Variants in CIAPIN1 observed in about 807,000 individuals in gnomAD.
CIAPIN1 encodes cytokine induced apoptosis inhibitor 1.
Under a neutral mutation model 34.3 loss-of-function variants are expected in CIAPIN1, and 18 were observed. The ratio of observed to expected loss-of-function variants is 0.52; its 90% CI spans 0.36 to 0.78. The LOEUF (loss-of-function observed/expected upper bound fraction) is 0.78. Ranked by LOEUF, CIAPIN1 falls within the 30% of genes least tolerant of loss-of-function variation. The pLI, the probability that CIAPIN1 is intolerant of heterozygous loss-of-function variation, is 0.00. For missense variants in CIAPIN1, 310 were observed against 372.5 expected (o/e 0.83, Z 1.38); for synonymous variants, 131 against 140.4 (o/e 0.93, Z 0.47).
chr16:57,436,814 C>A, intron 3 of CIAPIN1, 82 bp from the exon 4 acceptor site: 1 of 1,134,124 alleles, frequency 8.8e-7, no homozygotes, highest in Non-Finnish European at 1.3e-6. Context: ...TATGGGTTCG[C>A]AGGCATTCAA....
In CIAPIN1 at chr16:57,439,259, T is replaced by G. The variant is rs201547375; in HGVS notation, c.233A>C (p.Glu78Ala). 2.1e-5 allele frequency: 34 copies of G among 1,614,040 alleles called. No homozygotes were observed. Among genetic ancestry groups the G allele is most frequent in the Non-Finnish European group, 1.8e-5 (21 of 1,180,050 alleles). The change falls in exon 3 of 9, where the codon GAG becomes GCG. Residue 78 changes from glutamate to alanine, a missense_variant. Glu to Ala is a moderately radical substitution (Grantham distance 107). Transcript: ENST00000394391. Reference protein sequence around the residue: ...VPGSTTLHSAEILAEIARILR... With the variant: ...VPGSTTLHSAAILAEIARILR... ...GATCCGGGCGATTTCAGCCAAAATC[T>G]CAGCACTGTGCAGAGTGGTGCTTCC...
chr16:57,444,935 T>C (rs1468924745), intron 1 of CIAPIN1, among the ~76,000 whole-genome samples: 2 of 152,192 alleles, frequency 1.3e-5, no homozygotes, highest in African/African-American at 2.4e-5. Flanking sequence ...ACTGAGCTTG[T>C]TGGGTACCTC....
At chr16:57,443,707 TC>T (rs1369948525) in intron 1 of CIAPIN1, among the ~76,000 whole-genome samples, 1 of 152,198 alleles carries the variant, frequency 6.6e-6, no homozygotes, top group African/African-American at 2.4e-5. Flanking sequence ...CACCTCGGCC[TC>T]CCAAAGTGCT....
chr16:57,433,563 G>A (rs1467721203), intron 5 of CIAPIN1: 12 of 200,102 alleles, frequency 6.0e-5, no homozygotes, highest in Admixed American at 2.7e-4. Flanking sequence ...GCGTGCACGC[G>A]TGTGCTTGTA....
At chr16:57,436,870 G>C in intron 3 of CIAPIN1, 138 bp from the exon 4 acceptor site, 1 of 516,212 alleles carries the variant, frequency 1.9e-6, no homozygotes, top group East Asian at 3.9e-5. Context: ...TGTAATCCCA[G>C]CACTTTGGGA....
rs376169939 is a variant in CIAPIN1, at chr16:57,429,366, G to A, written c.829-86C>T. ...AAGAAATGCCTAATTTCATAATGTGGCCACAGTGGCCTGAAGGAAATGGCT... is the reference window on the plus strand; with the variant it reads ...AAGAAATGCCTAATTTCATAATGTGACCACAGTGGCCTGAAGGAAATGGCT... On this transcript the variant is annotated intron_variant, in intron 8 of 8. Transcript: ENST00000394391. 1.7e-4 allele frequency: 147 copies of A among 854,520 alleles called. 2 individuals carry two copies. The East Asian group carries it at 2.1e-3, about 12-fold the overall frequency. 52.9% of individuals were successfully genotyped at this position (854,520 alleles called of 1,614,324 possible). A position where few individuals can be genotyped will look rare whatever the true frequency, so the allele number is the denominator to read the frequency against.
At chr16:57,445,361 G>C (rs1325122090) in intron 1 of CIAPIN1, among the ~76,000 whole-genome samples, 1 of 152,036 alleles carries the variant, frequency 6.6e-6, no homozygotes, top group Non-Finnish European at 1.5e-5. Flanking sequence ...ACAAAGATTA[G>C]CTGGGCATGG....
At chr16:57,446,363 G>A (rs1229862927) in intron 1 of CIAPIN1, among the ~76,000 whole-genome samples, 1 of 152,178 alleles carries the variant, frequency 6.6e-6, no homozygotes, top group Non-Finnish European at 1.5e-5. Flanking sequence ...TTTGGGGTAA[G>A]TTTTGGCTTA....
chr16:57,445,487 G>A (rs1183442882), intron 1 of CIAPIN1, among the ~76,000 whole-genome samples: 5 of 152,092 alleles, frequency 3.3e-5, no homozygotes, highest in Admixed American at 3.3e-4. Flanking sequence ...CAGCCAGGGA[G>A]ACAGAGTGAG....
chr16:57,432,913 G>A (rs1305431394), intron 5 of CIAPIN1, among the ~76,000 whole-genome samples: 1 of 152,192 alleles, frequency 6.6e-6, no homozygotes, highest in Non-Finnish European at 1.5e-5. Context: ...GGTTCCACAG[G>A]CTGCAAAGCC....
chr16:57,439,421 C>T, intron 2 of CIAPIN1, 87 bp from the exon 3 acceptor site: 1 of 1,414,722 alleles, frequency 7.1e-7, no homozygotes, highest in Non-Finnish European at 9.9e-7. Context: ...AGCTACAGAC[C>T]TCACCCTGAG....
At chr16:57,436,559 A>G in intron 4 of CIAPIN1, 97 bp downstream of exon 4, 1 of 913,820 alleles carries the variant, frequency 1.1e-6, no homozygotes, top group Non-Finnish European at 1.7e-6. Flanking sequence ...TTGAAGCATC[A>G]TGTATCTTAC....
chr16:57,437,119 T>C (rs973400268), intron 3 of CIAPIN1, among the ~76,000 whole-genome samples: 22 of 152,258 alleles, frequency 1.4e-4, no homozygotes, highest in Admixed American at 1.4e-3. Flanking sequence ...AGAGTGAGAC[T>C]TGATCTCAAA....
chr16:57,432,508 G>T lies in CIAPIN1; in HGVS notation c.609C>A (p.Asn203Lys). ...AAAKLWTLSA[N>K]DMEDDSMDLI... ...TCACCATGCTGTCGTCCTCCATATC[G>T]TTGGCTGAGAGGGTCCACAGCTTGG... Residue 203 changes from asparagine to lysine, a missense_variant, in exon 6 of 9, where the codon AAC (asparagine) becomes AAA (lysine). Transcript: ENST00000394391. The T allele has an allele frequency of 6.2e-7, 1 of 1,613,520 alleles. No individual in the cohort carries two copies. The highest frequency in any genetic ancestry group is 8.5e-7 in the Non-Finnish European group (1 of 1,179,862).
intron 5 of CIAPIN1, among the ~76,000 whole-genome samples, chr16:57,433,083 C>A (rs1382027264): frequency 6.6e-6 from 1 of 152,206 alleles, no homozygotes; most frequent in Non-Finnish European, 1.5e-5. Context: ...AGAGCTTTAG[C>A]CTCATGTAAA....
rs780926941 is a variant in CIAPIN1 at position 57,429,791 on chromosome 16, CTT to C, written c.828+465_828+466del. ...ACAGGCGTGAGCCACCGCACCCGGC[CTT>C]TTTTTTTTTTTGAGATGGAGTCTCC... On this transcript the variant is annotated intron_variant, in intron 8 of 8. Coordinates refer to ENST00000394391, the MANE Select transcript of CIAPIN1 (RefSeq NM_020313.4). 9.5e-4 allele frequency among the ~76,000 whole-genome samples: 106 copies of C among 111,114 alleles called. 1 individual carries two copies. Among genetic ancestry groups the C allele is most frequent in the Non-Finnish European group, 2.6e-4 (14 of 53,640 alleles). The allele number at this position is 111,114 out of a possible 152,430, so 72.9% of individuals were successfully genotyped here. A position where few individuals can be genotyped will look rare whatever the true frequency, so the allele number is the denominator to read the frequency against.
intron 1 of CIAPIN1, 57 bp downstream of exon 1, chr16:57,447,285 G>A (rs2030122861): frequency 2.5e-6 from 1 of 398,208 alleles, no homozygotes; most frequent in Non-Finnish European, 4.4e-6. Context: ...ACGAGGGTGG[G>A]CCGGGAGGGG....
At chr16:57,440,238 T>C (rs1336728618) in intron 2 of CIAPIN1, among the ~76,000 whole-genome samples, 5 of 152,214 alleles carry the variant, frequency 3.3e-5, no homozygotes, top group African/African-American at 4.8e-5. Context: ...TCAGACCAGC[T>C]GTCTGCTTTC....
chr16:57,440,995 C>T lies in CIAPIN1; in HGVS notation c.-55-12G>A. 5.3e-6 allele frequency: 8 copies of T among 1,517,302 alleles called. No individual in the cohort carries two copies. Among genetic ancestry groups the T allele is most frequent in the South Asian group, 3.6e-5 (3 of 83,148 alleles). The allele number at this position is 1,517,302 out of a possible 1,614,324, so 94.0% of individuals were successfully genotyped here. ...AAAGGGAATCAAGACTGGGCAGAGA[C>T]AAAGTGCAATTTAATCTGTGAGATA... On this transcript the variant is annotated splice_polypyrimidine_tract_variant and intron_variant, in intron 1 of 8. Coordinates refer to ENST00000394391, the MANE Select transcript of CIAPIN1 (RefSeq NM_020313.4).
Sources: gnomAD v4.1 joint callset for allele counts (sites outside exome capture counted in the v4.1 genomes callset) on GRCh38, gnomAD v4.1.1 for gene constraint, MANE v1.5 for transcripts, NCBI Gene and HGNC (gene_info 2026-07-23, HGNC 2026-07-21) for gene names.